PNPLA7: variants seen among roughly 807,000 people sequenced by gnomAD.
The protein encoded by PNPLA7 is patatin like domain 7, lysophospholipase.
In PNPLA7, 153 loss-of-function variants were observed where a neutral mutation model predicts 161.7. The ratio of observed to expected loss-of-function variants is 0.95; its 90% CI spans 0.83 to 1.08. The LOEUF is 1.08. PNPLA7 is among the 50% of genes least tolerant of loss of function. The pLI is 0.00. For synonymous variants in PNPLA7, 809 were observed against 782.1 expected (o/e 1.03, Z -0.57); for missense variants, 1,739 against 1,856.6 (o/e 0.94, Z 1.16).
At chr9:137,536,816 C>T (rs1245940728) in intron 8 of PNPLA7, among the ~76,000 whole-genome samples, 2 of 149,852 alleles carry the variant, frequency 1.3e-5, no homozygotes, top group Non-Finnish European at 1.5e-5. Context: ...TCATCTCCCA[C>T]GACAGGAAGC....
intron 19 of PNPLA7, 133 bp downstream of exon 19, chr9:137,494,900 C>T (rs1209260936): frequency 7.4e-6 from 6 of 812,226 alleles, no homozygotes; most frequent in South Asian, 1.6e-5. Context: ...CGCGCCTTCA[C>T]CTGCTCTGCG....
At chr9:137,474,326 GGGGGATAAGCAAAGCGT>G (rs1831841836) in intron 25 of PNPLA7, among the ~76,000 whole-genome samples, 3 of 152,212 alleles carry the variant, frequency 2.0e-5, no homozygotes, top group African/African-American at 7.2e-5. Context: ...TCGACAGGAA[GGGGGATAAGCAAAGCGT>G]GGGGAGGGCA....
intron 14 of PNPLA7, among the ~76,000 whole-genome samples, chr9:137,504,003 AAAGAAGAAGG>A (rs1437157956): frequency 2.5e-3 from 74 of 29,740 alleles, no homozygotes; most frequent in Non-Finnish European, 4.8e-3. Flanking sequence ...CAAGAAGAAG[AAAGAAGAAGG>A]AAGAAGAAGA....
At chr9:137,464,612 A>G in intron 26 of PNPLA7, 156 bp from the exon 27 acceptor site, 1 of 695,892 alleles carries the variant, frequency 1.4e-6, no homozygotes, top group Non-Finnish European at 2.5e-6. Flanking sequence ...CCCTGGCTGG[A>G]GCCTCAGAGT....
At position 137,540,967 on chromosome 9, in the gene PNPLA7, CTCG is replaced by C; in HGVS notation, c.667-248_667-246del. Reference sequence around the variant, plus strand: ...GAGACCCCACCTCTCCATCCCATGACTCGTCTTCAATGTGGGGACTGAGGCAAA... The same window carrying C: ...GAGACCCCACCTCTCCATCCCATGACTCTTCAATGTGGGGACTGAGGCAAA... On this transcript the variant is annotated intron_variant, in intron 7 of 34. Transcript: ENST00000406427. The surrounding 1 kb of genome is among the most constrained non-coding windows in gnomAD (Gnocchi z 5.1). The C allele has an allele frequency of 2.1e-6, 1 of 471,686 alleles. No homozygotes were observed. The highest frequency in any genetic ancestry group is 3.9e-6 in the Non-Finnish European group (1 of 255,688). 29.2% of individuals were successfully genotyped at this position (471,686 alleles called of 1,614,324 possible). A position where few individuals can be genotyped will look rare whatever the true frequency, so the allele number is the denominator to read the frequency against.
intron 12 of PNPLA7, among the ~76,000 whole-genome samples, chr9:137,513,555 G>C (rs1184320875): frequency 6.6e-6 from 1 of 151,656 alleles, no homozygotes; most frequent in Non-Finnish European, 1.5e-5. Context: ...AATAAGGAAA[G>C]AATAAATAAG....
At chr9:137,478,776 G>A (rs142745453) in intron 24 of PNPLA7, 1 of 383,780 alleles carries the variant, frequency 2.6e-6, no homozygotes, top group East Asian at 4.8e-5. Flanking sequence ...AGGGTTTGCT[G>A]AGCCCCCTGA....
chr9:137,528,560 G>A (rs1835415434), intron 8 of PNPLA7, among the ~76,000 whole-genome samples: 1 of 152,050 alleles, frequency 6.6e-6, no homozygotes, highest in Non-Finnish European at 1.5e-5. Context: ...GGGATTACAG[G>A]CATGAGCCAC....
At chr9:137,546,654 C>G (rs935601816) in intron 4 of PNPLA7, among the ~76,000 whole-genome samples, 176 bp downstream of exon 4, 1 of 152,158 alleles carries the variant, frequency 6.6e-6, no homozygotes. Context: ...CACCATTCGG[C>G]ACAATTTATA....
intron 11 of PNPLA7, among the ~76,000 whole-genome samples, chr9:137,519,713 C>A (rs141423365): frequency 6.7e-6 from 1 of 150,158 alleles, no homozygotes; most frequent in East Asian, 2.0e-4. Context: ...CGTGAGGGGA[C>A]CTGGGGTGCG....
rs536622710 is a variant in PNPLA7 at position 137,502,861 on chromosome 9, G to C, written c.1474-1134C>G. Among the ~76,000 whole-genome samples, 18 of 151,726 alleles carry C rather than the reference G, an allele frequency of 1.2e-4. No individual in the cohort carries two copies. The South Asian group carries it at 3.7e-3, about 32-fold the overall frequency. ...ACTGTTAAGTATTCAGAAATGATAA[G>C]AGTATTGTGGTTAGAGATGAATCCT... is the stretch of plus-strand genomic sequence containing the variant. On this transcript the variant is annotated intron_variant, in intron 14 of 34. Transcript: ENST00000406427.
intron 8 of PNPLA7, among the ~76,000 whole-genome samples, chr9:137,531,175 G>A (rs893454817): frequency 2.0e-5 from 3 of 152,122 alleles, no homozygotes; most frequent in Non-Finnish European, 4.4e-5. Flanking sequence ...CCAACAGCCG[G>A]GGTCCAGCGA....
At chr9:137,544,650 C>T (rs191321074) in intron 4 of PNPLA7, among the ~76,000 whole-genome samples, 11 of 152,154 alleles carry the variant, frequency 7.2e-5, no homozygotes, top group East Asian at 1.9e-4. Flanking sequence ...TTTGTTTGTT[C>T]GTTTGTTTTT....
chr9:137,532,656 G>A (rs1835640082), intron 8 of PNPLA7, among the ~76,000 whole-genome samples: 1 of 152,184 alleles, frequency 6.6e-6, no homozygotes, highest in Non-Finnish European at 1.5e-5. Context: ...GGTTTTAGAG[G>A]TGCAGAACCT....
At chr9:137,503,146 C>G (rs951818698) in intron 14 of PNPLA7, among the ~76,000 whole-genome samples, 1 of 151,984 alleles carries the variant, frequency 6.6e-6, no homozygotes, top group Non-Finnish European at 1.5e-5. Context: ...TTTTTGGAGG[C>G]CGAGGCAGGT....
At chr9:137,491,003 G>A (rs1186233793) in intron 20 of PNPLA7, among the ~76,000 whole-genome samples, 1 of 152,204 alleles carries the variant, frequency 6.6e-6, no homozygotes, top group Non-Finnish European at 1.5e-5. Context: ...TAACGTCATC[G>A]CTAGAGTAAC....
rs140100176 is a variant in PNPLA7 at position 137,492,289 on chromosome 9, G to A, written c.2197+724C>T. On this transcript the variant is annotated intron_variant, in intron 20 of 34. Coordinates refer to ENST00000406427, the MANE Select transcript of PNPLA7 (RefSeq NM_001098537.3). ...GAGCACTCTCCGCTCCACCAATACC[G>A]TTTCCGGAGGTTTCACCCTGTTTCC... 2.0e-4 allele frequency: 199 copies of A among 985,226 alleles called. No individual in the cohort carries two copies. In the African/African-American group the frequency reaches 2.9e-3, roughly 14 times the overall value. 61.0% of individuals were successfully genotyped at this position (985,226 alleles called of 1,614,324 possible).
intron 26 of PNPLA7, among the ~76,000 whole-genome samples, chr9:137,465,389 G>A (rs776203901): frequency 6.5e-4 from 99 of 152,276 alleles, no homozygotes; most frequent in Non-Finnish European, 1.3e-3. Flanking sequence ...CCAGCCCAGA[G>A]AGCTCTGGCC....
chr9:137,482,659 C>G (rs1238934840), intron 21 of PNPLA7, among the ~76,000 whole-genome samples: 3 of 152,138 alleles, frequency 2.0e-5, no homozygotes, highest in Non-Finnish European at 4.4e-5. Flanking sequence ...GAAACGGCAC[C>G]CACACCACAC....
Sources: allele counts gnomAD v4.1 joint callset (sites outside exome capture counted in the v4.1 genomes callset), GRCh38; gene constraint gnomAD v4.1.1; non-coding constraint Gnocchi (gnomAD v3.1); transcripts MANE v1.5; gene names NCBI Gene and HGNC (gene_info 2026-07-23, HGNC 2026-07-21).